Variants in CA5A observed in about 807,000 individuals in gnomAD.
CA5A encodes the protein carbonic anhydrase 5A.
CA5A carries 28 observed loss-of-function variants against 37.1 expected under a neutral mutation model. The observed-to-expected ratio is 0.75, with a 90% CI of 0.56 to 1.03. The LOEUF (loss-of-function observed/expected upper bound fraction) is 1.03, where lower values mean the gene tolerates loss of function less well. CA5A is among the 50% of genes least tolerant of loss of function. The pLI, the probability that CA5A is intolerant of heterozygous loss-of-function variation, is 0.00. For synonymous variants in CA5A, 171 were observed against 158.4 expected (o/e 1.08, Z -0.60); for missense variants, 444 against 399.9 (o/e 1.11, Z -0.94).
At chr16:87,907,913 T>C (rs1437838277) in intron 2 of CA5A, among the ~76,000 whole-genome samples, 2 of 151,920 alleles carry the variant, frequency 1.3e-5, no homozygotes, top group Non-Finnish European at 2.9e-5. Flanking sequence ...GCAACAAGAG[T>C]GAAACTCCGT....
rs541120340 is a variant in CA5A, at chr16:87,926,877, A to G, written c.211T>C (p.Trp71Arg). 2.5e-6 allele frequency: 4 copies of G among 1,612,124 alleles called. No homozygotes were observed. Among genetic ancestry groups the G allele is most frequent in the Non-Finnish European group, 3.4e-6 (4 of 1,178,980 alleles). Residue 71 changes from tryptophan to arginine, a missense_variant, in exon 2 of 7, where the codon TGG becomes CGG. Coordinates refer to ENST00000649794, the MANE Select transcript of CA5A (RefSeq NM_001739.2). ...TGGGGGTCATAGACGCTGTCCCTCC[A>G]CTGGATGTTAATAGGAGACTGCCGG... ...GTRQSPINIQWRDSVYDPQLK... is the reference protein window; with the variant it reads ...GTRQSPINIQRRDSVYDPQLK...
rs377135599 is a variant in CA5A, at chr16:87,926,844, G to T, written c.244C>A (p.Pro82Thr). ...GCCGCTTCATAGGAGACCCTGAGTGGCTTCAGCTGGGGGTCATAGACGCTG... is the reference window on the plus strand; with the variant it reads ...GCCGCTTCATAGGAGACCCTGAGTGTCTTCAGCTGGGGGTCATAGACGCTG... ...RDSVYDPQLK[P>T]LRVSYEAASC... The change falls in exon 2 of 7, where the codon CCA (proline) becomes ACA (threonine). Residue 82 changes from proline to threonine, a missense_variant. By Grantham distance (38) the Pro-to-Thr change is conservative. Coordinates refer to ENST00000649794, the MANE Select transcript of CA5A (RefSeq NM_001739.2). The T allele has an allele frequency of 5.5e-5, 89 of 1,613,748 alleles. No individual in the cohort carries two copies. The East Asian group carries it at 1.7e-3, about 32-fold the overall frequency.
At chr16:87,902,093 C>G (rs1357343642) in intron 4 of CA5A, 119 bp from the exon 5 acceptor site, 3 of 895,442 alleles carry the variant, frequency 3.4e-6, no homozygotes, top group South Asian at 1.4e-5. Context: ...GTGGCTCATG[C>G]CTGTGATCCT....
At chr16:87,890,168 A>G (rs944362997) in intron 6 of CA5A, among the ~76,000 whole-genome samples, 2 of 152,046 alleles carry the variant, frequency 1.3e-5, no homozygotes, top group African/African-American at 4.8e-5. Context: ...CTGGCTTAAT[A>G]CTATTGGCTT....
At chr16:87,902,042 T>A in intron 4 of CA5A, 68 bp from the exon 5 acceptor site, 1 of 1,356,114 alleles carries the variant, frequency 7.4e-7, no homozygotes, top group Non-Finnish European at 1.1e-6. Context: ...CACTCCACTG[T>A]AAATACACCA....
intron 2 of CA5A, among the ~76,000 whole-genome samples, chr16:87,914,930 A>G (rs1232313648): frequency 1.3e-5 from 2 of 152,222 alleles, no homozygotes; most frequent in Non-Finnish European, 2.9e-5. Flanking sequence ...CCGTCTTCGG[A>G]ACGAGAGTTA....
intron 1 of CA5A, among the ~76,000 whole-genome samples, chr16:87,931,411 C>G (rs1244123211): frequency 1.3e-5 from 2 of 152,220 alleles, no homozygotes; most frequent in African/African-American, 4.8e-5. Context: ...TGTGCCTGAC[C>G]TTGCCAAGTA....
Position 87,918,330 on chromosome 16 carries a change from G to A in CA5A, c.340+8418C>T, listed in dbSNP as rs183158286. On this transcript the variant is annotated intron_variant, in intron 2 of 6. Transcript: ENST00000649794. Reference sequence around the variant, plus strand: ...TGGGACAGGCACAGTGTGGCAGCGCGTGGATCTGGCTGCTGTTTTCCTTTG... The same window carrying A: ...TGGGACAGGCACAGTGTGGCAGCGCATGGATCTGGCTGCTGTTTTCCTTTG... 4.9e-4 allele frequency among the ~76,000 whole-genome samples: 75 copies of A among 152,274 alleles called. No individual in the cohort carries two copies. The East Asian group carries it at 9.9e-3, about 20-fold the overall frequency.
chr16:87,927,168 C>A (rs372734368), intron 1 of CA5A, among the ~76,000 whole-genome samples: 8 of 152,278 alleles, frequency 5.3e-5, no homozygotes, highest in Non-Finnish European at 1.0e-4. Context: ...TTCTTTCCCA[C>A]CCGGAAGCAA....
At chr16:87,890,116 T>A (rs930361735) in intron 6 of CA5A, among the ~76,000 whole-genome samples, 8 of 152,218 alleles carry the variant, frequency 5.3e-5, no homozygotes, top group Non-Finnish European at 1.0e-4. Flanking sequence ...CTGCTCAGGA[T>A]AAGGGGCTCC....
At chr16:87,885,967 G>C (rs1370871163), downstream of CA5A, 1 of 152,056 alleles carries the variant, frequency 6.6e-6, no homozygotes. Context: ...CCAGAGTCTA[G>C]AATAGAGCCT....
rs192744101 is a variant in CA5A at position 87,897,172 on chromosome 16, C to G, written c.618+4740G>C. 1.8e-3 allele frequency among the ~76,000 whole-genome samples: 280 copies of G among 152,374 alleles called. 2 individuals are homozygous for G. The highest frequency in any genetic ancestry group is 6.2e-3 in the African/African-American group (258 of 41,594). On this transcript the variant is annotated intron_variant, in intron 5 of 6. Transcript: ENST00000649794. Reference sequence around the variant, plus strand: ...AGAAGAGCCCCCACAGGGCACAGAGCCGTTCCCTGGATCCCCTGGACCTGG... The same window carrying G: ...AGAAGAGCCCCCACAGGGCACAGAGGCGTTCCCTGGATCCCCTGGACCTGG...
At chr16:87,886,687 C>T (rs571348810), downstream of CA5A, 7 of 151,832 alleles carry the variant, frequency 4.6e-5, no homozygotes, top group Admixed American at 3.3e-4. Flanking sequence ...CCCCATGGAT[C>T]GACTGATGAA....
At position 87,936,437 on chromosome 16, in the gene CA5A, TTCC is replaced by T; in HGVS notation, c.11_13del (p.Arg4del). 1 of 1,613,882 alleles carries T rather than the reference TTCC, an allele frequency of 6.2e-7. No homozygotes were observed. Among genetic ancestry groups the T allele is most frequent in the Non-Finnish European group, 8.5e-7 (1 of 1,179,870 alleles). ...GGAGAAAGCTGAGGTCTTCCAAGTGTTCCTCCCCAACATCTTGGGTCTGTTCCC... is the reference window on the plus strand; with the variant it reads ...GGAGAAAGCTGAGGTCTTCCAAGTGTTCCCCAACATCTTGGGTCTGTTCCC... On this transcript the variant is annotated inframe_deletion, in exon 1 of 7. Coordinates refer to ENST00000649794, the MANE Select transcript of CA5A (RefSeq NM_001739.2).
intron 2 of CA5A, among the ~76,000 whole-genome samples, chr16:87,916,060 C>T (rs148780837): frequency 1.8e-3 from 274 of 151,136 alleles, no homozygotes; most frequent in African/African-American, 6.3e-3. Context: ...AGGGGTTACT[C>T]GGGAGCCTGC....
chr16:87,923,757 G>C, intron 2 of CA5A: 1 of 985,008 alleles, frequency 1.0e-6, no homozygotes, highest in Non-Finnish European at 1.2e-6. Context: ...AAACAAATCA[G>C]TTATTAAAAT....
intron 5 of CA5A, among the ~76,000 whole-genome samples, chr16:87,896,051 G>A (rs1275508696): frequency 6.6e-6 from 1 of 152,226 alleles, no homozygotes; most frequent in Non-Finnish European, 1.5e-5. Context: ...CACATCCCCA[G>A]GGCACAGATG....
At chr16:87,896,440 G>C (rs754092879) in intron 5 of CA5A, among the ~76,000 whole-genome samples, 9 of 152,186 alleles carry the variant, frequency 5.9e-5, no homozygotes, top group African/African-American at 9.6e-5. Flanking sequence ...CTCCCCCTCA[G>C]GGCCCCCAAA....
chr16:87,932,730 C>G (rs2056424227), intron 1 of CA5A, among the ~76,000 whole-genome samples: 1 of 151,954 alleles, frequency 6.6e-6, no homozygotes. Flanking sequence ...AGTATTTGCC[C>G]CTAATTCACA....
Sources: gnomAD v4.1 joint callset for allele counts (sites outside exome capture counted in the v4.1 genomes callset) on GRCh38, gnomAD v4.1.1 for gene constraint, MANE v1.5 for transcripts, NCBI Gene and HGNC (gene_info 2026-07-23, HGNC 2026-07-21) for gene names.